The following WFS1 variants were observed in gnomAD, a reference collection of about 807,000 sequenced individuals.
The protein encoded by WFS1 is wolframin.
Under a neutral mutation model 68.5 loss-of-function variants are expected in WFS1, and 90 were observed. That is an observed-to-expected ratio of 1.31 (90% CI 1.11 to 1.56). The LOEUF (loss-of-function observed/expected upper bound fraction) is 1.56. Among genes scored for constraint, WFS1 ranks in the 40% most tolerant of loss-of-function variants. The pLI is 0.00. For missense variants in WFS1, 1,767 were observed against 1,232.6 expected (o/e 1.43, Z -6.49); for synonymous variants, 860 against 540.7 (o/e 1.59, Z -8.19).
At chr4:6,275,437 A>G in intron 1 of WFS1, among the ~76,000 whole-genome samples, 1 of 152,208 alleles carries the variant, frequency 6.6e-6, no homozygotes, top group East Asian at 1.9e-4. Context: ...GTGCAGTTAA[A>G]TGGCTGCTTT....
intron 1 of WFS1, among the ~76,000 whole-genome samples, chr4:6,271,358 G>C (rs1729834038): frequency 6.6e-6 from 1 of 152,214 alleles, no homozygotes; most frequent in Non-Finnish European, 1.5e-5. Flanking sequence ...GAAGAGCATG[G>C]AGGGCGTCTC....
chr4:6,285,201 A>G (rs1277335580), intron 2 of WFS1, among the ~76,000 whole-genome samples: 5 of 150,858 alleles, frequency 3.3e-5, no homozygotes, highest in African/African-American at 1.2e-4. Flanking sequence ...GTCCAGGGAG[A>G]GGGGCGTCCA....
chr4:6,276,003 G>C (rs1729982621), intron 1 of WFS1, among the ~76,000 whole-genome samples: 1 of 152,224 alleles, frequency 6.6e-6, no homozygotes, highest in African/African-American at 2.4e-5. Flanking sequence ...GGGCTGCTCA[G>C]GACCACACAG....
At chr4:6,279,512 C>T (rs115524074) in intron 2 of WFS1, among the ~76,000 whole-genome samples, 408 of 152,288 alleles carry the variant, frequency 2.7e-3, no homozygotes, top group African/African-American at 9.2e-3. Context: ...CTCAGGTCAT[C>T]TGCGCCCAGG....
Position 6,279,024 on chromosome 4 carries a change from G to A in WFS1, c.232+1337G>A, listed in dbSNP as rs58026997. Among the ~76,000 whole-genome samples, 307 of 152,314 alleles carry A rather than the reference G, an allele frequency of 2.0e-3. 2 individuals are homozygous for A. Among genetic ancestry groups the A allele is most frequent in the African/African-American group, 7.0e-3 (292 of 41,574 alleles). ...GTCTCCAATGTGGGGGTGGTGAAGAGCAAGCCCTGGGCGCCGCCTGACAGC... is the reference window on the plus strand; with the variant it reads ...GTCTCCAATGTGGGGGTGGTGAAGAACAAGCCCTGGGCGCCGCCTGACAGC... On this transcript the variant is annotated intron_variant, in intron 2 of 7. Coordinates refer to ENST00000226760, the MANE Select transcript of WFS1 (RefSeq NM_006005.3).
At chr4:6,299,887 T>G (rs1364421635) in intron 7 of WFS1, among the ~76,000 whole-genome samples, 2 of 103,080 alleles carry the variant, frequency 1.9e-5, no homozygotes, top group African/African-American at 9.0e-5. Flanking sequence ...TGCATGTGTG[T>G]GTGTAGGGGT....
At position 6,301,652 on chromosome 4, in the gene WFS1, T is replaced by C. The variant is rs374051736; in HGVS notation, c.1857T>C (p.Ser619=). The C allele has an allele frequency of 3.1e-6, 5 of 1,613,914 alleles. No individual in the cohort carries two copies. The African/African-American group carries it at 6.7e-5, about 22-fold the overall frequency. ...GCTGGTGGACCAAGGCCAGCTTCTC[T>C]GTGGTGGGGATGGTGAAGTCCCTGA... The part of the protein sequence containing the change: ...LLRWWTKASF[S]VVGMVKSLTR... Residue 619 remains serine, a synonymous_variant, in exon 8 of 8, where the codon TCT becomes TCC. Transcript: ENST00000226760.
rs375440473 is a variant in WFS1 at position 6,301,573 on chromosome 4, A to G, written c.1778A>G (p.Glu593Gly). 1.1e-5 allele frequency: 17 copies of G among 1,613,832 alleles called. No individual in the cohort carries two copies. The highest frequency in any genetic ancestry group is 1.4e-5 in the Non-Finnish European group (16 of 1,180,028). Residue 593 changes from glutamate to glycine, a missense_variant, in exon 8 of 8, where the codon GAG becomes GGG. Coordinates refer to ENST00000226760, the MANE Select transcript of WFS1 (RefSeq NM_006005.3). ...TTCGCCCGGTGGTTCACGTCTCTGG[A>G]GCTCACCAAGATCGCAGTCACCGTG... ...LQFARWFTSL[E>G]LTKIAVTVAV...
Position 6,302,837 on chromosome 4 carries a change from T to C in WFS1, c.*369T>C, listed in dbSNP as rs1448388926. ...CACCCTGTTCCCTCTTTCTTTCTTTTGTGTTGGATTTGTTTAAAAACCAAA... is the reference window on the plus strand; with the variant it reads ...CACCCTGTTCCCTCTTTCTTTCTTTCGTGTTGGATTTGTTTAAAAACCAAA... On this transcript the variant is annotated 3_prime_UTR_variant, in exon 8 of 8. Transcript: ENST00000226760. 1.2e-5 allele frequency: 4 copies of C among 339,594 alleles called. No homozygotes were observed. Among genetic ancestry groups the C allele is most frequent in the Admixed American group, 4.5e-5 (1 of 22,144 alleles). 21.0% of individuals were successfully genotyped at this position (339,594 alleles called of 1,614,324 possible).
At chr4:6,298,710 G>T (rs1730725886) in intron 7 of WFS1, among the ~76,000 whole-genome samples, 1 of 152,210 alleles carries the variant, frequency 6.6e-6, no homozygotes, top group Non-Finnish European at 1.5e-5. Flanking sequence ...TCTCATCTGT[G>T]GAAGACTCAG....
At chr4:6,285,078 C>A (rs555869138) in intron 2 of WFS1, among the ~76,000 whole-genome samples, 1 of 151,556 alleles carries the variant, frequency 6.6e-6, no homozygotes, top group South Asian at 2.1e-4. Context: ...GGCTGCCCTG[C>A]GGGACCTGAT....
At chr4:6,295,587 G>A (rs576261729) in intron 7 of WFS1, among the ~76,000 whole-genome samples, 7 of 152,156 alleles carry the variant, frequency 4.6e-5, no homozygotes, top group Admixed American at 6.5e-5. Flanking sequence ...TGCCTTCCCC[G>A]AAAACAAAGT....
At chr4:6,270,105 C>T (rs1055541057) in intron 1 of WFS1, 91 bp downstream of exon 1, 2 of 152,198 alleles carry the variant, frequency 1.3e-5, no homozygotes, top group African/African-American at 2.4e-5. Context: ...CCTCTTCGGG[C>T]CTCAGTTTCC....
chr4:6,302,734 G>A lies in WFS1; in HGVS notation c.*266G>A. ...TGACCTTTCTGAGTGACATGGGTGT[G>A]CCAGGCTAGACTAGGAGGTTCCGGT... On this transcript the variant is annotated 3_prime_UTR_variant, in exon 8 of 8. Transcript: ENST00000226760. 2 of 582,902 alleles carry A rather than the reference G, an allele frequency of 3.4e-6. No homozygotes were observed. The highest frequency in any genetic ancestry group is 6.0e-6 in the Non-Finnish European group (2 of 331,590). 36.1% of individuals were successfully genotyped at this position (582,902 alleles called of 1,614,324 possible).
chr4:6,294,094 C>G (rs1237736396), intron 6 of WFS1, among the ~76,000 whole-genome samples: 1 of 152,212 alleles, frequency 6.6e-6, no homozygotes, highest in Non-Finnish European at 1.5e-5. Flanking sequence ...TCAGCGCCCA[C>G]TATCACGGCT....
At chr4:6,288,101 C>T (rs1560407979) in intron 3 of WFS1, among the ~76,000 whole-genome samples, 1 of 151,814 alleles carries the variant, frequency 6.6e-6, no homozygotes, top group African/African-American at 2.4e-5. Flanking sequence ...CCTGTAATCC[C>T]AGCTACTTGG....
At chr4:6,299,495 T>TGAGGGTGCAC in intron 7 of WFS1, among the ~76,000 whole-genome samples, 9 of 143,072 alleles carry the variant, frequency 6.3e-5, no homozygotes, top group African/African-American at 2.4e-4. Flanking sequence ...TGTGCACGTG[T>TGAGGGTGCAC]GTGTAGGGGT....
At chr4:6,280,977 A>G (rs1730145416) in intron 2 of WFS1, among the ~76,000 whole-genome samples, 1 of 152,214 alleles carries the variant, frequency 6.6e-6, no homozygotes, top group Non-Finnish European at 1.5e-5. Context: ...GAATCACCCT[A>G]CTGTGAGGTG....
chr4:6,277,480 G>C lies in WFS1; in HGVS notation c.25G>C (p.Gly9Arg). MDSNTAPL[G>R]PSCPQPPPAP... ...GATGGACTCCAACACTGCTCCGCTGGGCCCCTCCTGCCCACAGCCCCCGCC... is the reference window on the plus strand; with the variant it reads ...GATGGACTCCAACACTGCTCCGCTGCGCCCCTCCTGCCCACAGCCCCCGCC... Residue 9 changes from glycine to arginine, a missense_variant, in exon 2 of 8, where the codon GGC becomes CGC. Gly to Arg is a moderately radical substitution (Grantham distance 125). Coordinates refer to ENST00000226760, the MANE Select transcript of WFS1 (RefSeq NM_006005.3). 1 of 1,559,664 alleles carries C rather than the reference G, an allele frequency of 6.4e-7. No individual in the cohort carries two copies. Among genetic ancestry groups the C allele is most frequent in the South Asian group, 1.2e-5 (1 of 84,758 alleles).
Sources: allele counts gnomAD v4.1 joint callset (sites outside exome capture counted in the v4.1 genomes callset), GRCh38; gene constraint gnomAD v4.1.1; transcripts MANE v1.5; gene names NCBI Gene and HGNC (gene_info 2026-07-23, HGNC 2026-07-21).